The following TASP1 variants were observed in gnomAD, a reference collection of about 807,000 sequenced individuals.
The protein encoded by TASP1 is taspase 1.
In TASP1, 16 loss-of-function variants were observed where a neutral mutation model predicts 56.6. The observed-to-expected ratio is 0.28, with a 90% CI of 0.19 to 0.43. The LOEUF is 0.43. Ranked by LOEUF, TASP1 falls within the 20% of genes least tolerant of loss-of-function variation. The pLI, the probability that TASP1 is intolerant of heterozygous loss-of-function variation, is 1.00. For missense variants in TASP1, 393 were observed against 511.6 expected, an observed-to-expected ratio of 0.77 and a Z score of 2.24; for synonymous variants, 179 against 184.2, an observed-to-expected ratio of 0.97 and a Z score of 0.23.
intron 10 of TASP1, among the ~76,000 whole-genome samples, chr20:13,515,483 C>G (rs540118077): frequency 5.3e-5 from 8 of 149,638 alleles, no homozygotes; most frequent in Non-Finnish European, 1.2e-4. Context: ...AATCCCAAGA[C>G]TCATCCCAGA....
At chr20:13,299,502 GCACA>G in the TASP1 span, 5 of 1,550,106 alleles carry the variant, frequency 3.2e-6, no homozygotes, top group Non-Finnish European at 3.5e-6. The surrounding 1 kb of genome is among the most constrained non-coding windows in gnomAD (Gnocchi z 5.8). Context: ...TGGTTCTGGA[GCACA>G]CACGTGCTGC....
At chr20:13,551,174 C>A (rs192958654) in intron 8 of TASP1, among the ~76,000 whole-genome samples, 2 of 152,136 alleles carry the variant, frequency 1.3e-5, no homozygotes, top group South Asian at 2.1e-4. Context: ...TTTGAACACA[C>A]AACATTGTAT....
intron 10 of TASP1, among the ~76,000 whole-genome samples, chr20:13,506,604 T>C (rs1328890176): frequency 6.6e-6 from 1 of 152,068 alleles, no homozygotes; most frequent in Non-Finnish European, 1.5e-5. Context: ...AATTTATAAA[T>C]GGGACACACC....
the TASP1 span, among the ~76,000 whole-genome samples, chr20:13,324,290 G>A: frequency 6.6e-6 from 1 of 152,184 alleles, no homozygotes; most frequent in Admixed American, 6.5e-5. Context: ...GAATCAATTA[G>A]CTTAAAAATT....
the TASP1 span, among the ~76,000 whole-genome samples, chr20:13,119,344 C>G: frequency 6.6e-6 from 1 of 152,174 alleles, no homozygotes; most frequent in African/African-American, 2.4e-5. Context: ...CCACTTTAAA[C>G]AAAGGCTCGC....
the TASP1 span, among the ~76,000 whole-genome samples, chr20:13,291,506 G>T: frequency 6.6e-6 from 1 of 152,152 alleles, no homozygotes; most frequent in Admixed American, 6.5e-5. Context: ...GAAACCAGCA[G>T]GGAAGGCCAA....
chr20:13,576,526 T>A (rs748682953), intron 6 of TASP1, among the ~76,000 whole-genome samples: 7 of 152,080 alleles, frequency 4.6e-5, no homozygotes, highest in Non-Finnish European at 7.4e-5. Flanking sequence ...GAAATTAACA[T>A]GCTTAATTTC....
chr20:13,425,677 G>C (rs1020477514), intron 12 of TASP1, among the ~76,000 whole-genome samples: 2 of 152,136 alleles, frequency 1.3e-5, no homozygotes, highest in Admixed American at 1.3e-4. Context: ...CAGTATTTAA[G>C]TTACTCCTTA....
At chr20:13,565,074 AGAGTTC>A in intron 7 of TASP1, among the ~76,000 whole-genome samples, 1 of 152,130 alleles carries the variant, frequency 6.6e-6, no homozygotes, top group South Asian at 2.1e-4. Flanking sequence ...AATAGATTAA[AGAGTTC>A]AAAAATAAAC....
intron 13 of TASP1, among the ~76,000 whole-genome samples, chr20:13,405,696 G>A (rs1421380167): frequency 6.6e-6 from 1 of 151,014 alleles, no homozygotes; most frequent in Non-Finnish European, 1.5e-5. Context: ...ACAGGTGTGT[G>A]CCACCATGCC....
At chr20:13,295,979 T>C in the TASP1 span, among the ~76,000 whole-genome samples, 1 of 152,236 alleles carries the variant, frequency 6.6e-6, no homozygotes, top group African/African-American at 2.4e-5. Context: ...AGCAACCTGG[T>C]GTCACGTGCT....
intron 4 of TASP1, among the ~76,000 whole-genome samples, chr20:13,587,777 A>C (rs1449576681): frequency 6.6e-6 from 1 of 151,992 alleles, no homozygotes; most frequent in African/African-American, 2.4e-5. Context: ...ACACCCTTTC[A>C]TGAGAAAAAC....
At chr20:13,614,889 A>G in intron 4 of TASP1, 1 of 458,576 alleles carries the variant, frequency 2.2e-6, no homozygotes, top group Non-Finnish European at 4.5e-6. Context: ...TAAAACAGAA[A>G]AGACAAATGT....
chr20:13,435,047 G>T lies in TASP1; in HGVS notation c.1093C>A (p.Leu365Ile). The T allele has an allele frequency of 6.2e-7, 1 of 1,607,254 alleles. No homozygotes were observed. ...PDSSQNKQTL[L>I]VEFLWSHTTE... ...ACAATGTATATGTCTCACTTACCTA[G>T]AAGTGTCTGCTTATTTTGGGAGGAG... is the stretch of plus-strand genomic sequence containing the variant. The change falls in exon 12 of 14, where the codon CTA (leucine) becomes ATA (isoleucine). Residue 365 changes from leucine to isoleucine, a missense_variant. Leu to Ile is a conservative substitution (Grantham distance 5). Coordinates refer to ENST00000337743, the MANE Select transcript of TASP1 (RefSeq NM_017714.3).
chr20:13,140,755 A>G, the TASP1 span, among the ~76,000 whole-genome samples: 1 of 152,246 alleles, frequency 6.6e-6, no homozygotes, highest in East Asian at 1.9e-4. Flanking sequence ...TTGAATTTCA[A>G]TCATTTTTAT....
intron 10 of TASP1, among the ~76,000 whole-genome samples, chr20:13,500,276 T>TAC: frequency 1.4e-5 from 2 of 145,374 alleles, no homozygotes; most frequent in Middle Eastern, 3.4e-3. Flanking sequence ...TATATATATA[T>TAC]ACACTCAATT....
At chr20:13,197,558 C>T in the TASP1 span, among the ~76,000 whole-genome samples, 2,092 of 152,280 alleles carry the variant, frequency 0.014, 25 homozygotes, top group Non-Finnish European at 0.024. Context: ...TCTTCACTCA[C>T]AACAATTACT....
chr20:13,416,994 T>C (rs576364916), intron 13 of TASP1, among the ~76,000 whole-genome samples: 3 of 152,216 alleles, frequency 2.0e-5, no homozygotes, highest in Admixed American at 1.3e-4. Context: ...ACAGGTCATA[T>C]TTGCAAGCAT....
At chr20:13,228,757 G>A in the TASP1 span, among the ~76,000 whole-genome samples, 3 of 152,046 alleles carry the variant, frequency 2.0e-5, no homozygotes, top group Middle Eastern at 6.8e-3. Context: ...CTCTTTTTCT[G>A]GAACTCCTGT....
Sources: allele counts gnomAD v4.1 joint callset (sites outside exome capture counted in the v4.1 genomes callset), GRCh38; gene constraint gnomAD v4.1.1; non-coding constraint Gnocchi (gnomAD v3.1); transcripts MANE v1.5; gene names NCBI Gene and HGNC (gene_info 2026-07-23, HGNC 2026-07-21).